ZNF860: variants seen among roughly 807,000 people sequenced by gnomAD.
ZNF860 encodes the protein zinc finger protein 860.
For synonymous variants in ZNF860, 206 were observed against 248.9 expected, an observed-to-expected ratio of 0.83 and a Z score of 1.62; for missense variants, 641 against 759.2, an observed-to-expected ratio of 0.84 and a Z score of 1.83.
At chr3:32,000,376 C>T in the ZNF860 span, among the ~76,000 whole-genome samples, 4 of 152,276 alleles carry the variant, frequency 2.6e-5, no homozygotes, top group South Asian at 4.1e-4. Context: ...CTGCCTCCAA[C>T]TGGTTTTGCT....
At chr3:31,999,718 A>T in the ZNF860 span, among the ~76,000 whole-genome samples, 1 of 152,128 alleles carries the variant, frequency 6.6e-6, no homozygotes, top group East Asian at 1.9e-4. Flanking sequence ...GGGTTCAGAA[A>T]ATATGGCTGC....
chr3:31,989,654 C>T lies in ZNF860; in HGVS notation c.575C>T (p.Ser192Phe), dbSNP rs1272714735. Residue 192 changes from serine (S) to phenylalanine (F), a missense_variant, in exon 2 of 2, where the codon TCC becomes TTC. Transcript: ENST00000360311. ...AACGATGCTTCCTCAGTTCTAACGTCCCAAAGAATTTCTTCTAGGCCCAAA... is the reference window on the plus strand; with the variant it reads ...AACGATGCTTCCTCAGTTCTAACGTTCCAAAGAATTTCTTCTAGGCCCAAA... The part of the protein sequence containing the change: ...SINDASSVLT[S>F]QRISSRPKIH... 2 of 1,614,108 alleles carry T rather than the reference C, an allele frequency of 1.2e-6. No individual in the cohort carries two copies. Among genetic ancestry groups the T allele is most frequent in the Non-Finnish European group, 1.7e-6 (2 of 1,180,016 alleles).
chr3:31,990,470 A>G lies in ZNF860; in HGVS notation c.1391A>G (p.His464Arg), dbSNP rs1808125. ...YKCNECGKTF[H>R]HNSALVIHKA... Reference sequence around the variant, plus strand: ...TGTAATGAGTGTGGCAAGACCTTCCATCACAATTCAGCCCTTGTAATTCAT... The same window carrying G: ...TGTAATGAGTGTGGCAAGACCTTCCGTCACAATTCAGCCCTTGTAATTCAT... Residue 464 changes from histidine to arginine, a missense_variant, in exon 2 of 2, where the codon CAT becomes CGT. By Grantham distance (29) the His-to-Arg change is conservative (BLOSUM62 0). Transcript: ENST00000360311. The G allele has an allele frequency of 0.084, 76,333 of 914,034 alleles. 21,273 individuals are homozygous for G. The highest frequency in any genetic ancestry group is 0.71 in the East Asian group (11,383 of 16,112). The allele number at this position is 914,034 out of a possible 1,614,324, so 56.6% of individuals were successfully genotyped here.
chr3:31,989,575 C>G lies in ZNF860; in HGVS notation c.496C>G (p.Leu166Val), dbSNP rs145325915. The change falls in exon 2 of 2, where the codon CTC becomes GTC. Residue 166 changes from leucine to valine, a missense_variant. Transcript: ENST00000360311. ...GLSFHSHLPE[L>V]HIFQTKGKVG... The stretch of plus-strand genomic sequence containing the variant: ...AAGCTTTCATTCGCATCTTCCTGAA[C>G]TCCACATATTTCAGACCAAAGGGAA... The G allele has an allele frequency of 9.0e-5, 146 of 1,614,102 alleles. 2 individuals are homozygous for G. In the Middle Eastern group the frequency reaches 4.6e-3, roughly 51 times the overall value.
downstream of ZNF860, among the ~76,000 whole-genome samples, chr3:31,995,733 A>T (rs1391645475): frequency 6.6e-6 from 1 of 152,196 alleles, no homozygotes; most frequent in African/African-American, 2.4e-5. Flanking sequence ...TGTCCATGAA[A>T]TCTTCACAAT....
the ZNF860 span, among the ~76,000 whole-genome samples, chr3:32,001,147 A>G: frequency 6.6e-6 from 1 of 152,150 alleles, no homozygotes; most frequent in Non-Finnish European, 1.5e-5. Flanking sequence ...CCTGTGCTTT[A>G]TGGCATAAGC....
At position 31,989,299 on chromosome 3, in the gene ZNF860, T is replaced by C. The variant is rs781193991; in HGVS notation, c.220T>C (p.Phe74Leu). The change falls in exon 2 of 2, where the codon TTC (phenylalanine) becomes CTC (leucine). Residue 74 changes from phenylalanine to leucine, a missense_variant. By Grantham distance (22) the Phe-to-Leu change is conservative (BLOSUM62 0). Transcript: ENST00000360311. ...CTCTTCCAAATGCATGATGAAGAAGTTCTCATCAACAGCGCAAGGCAATAC... is the reference window on the plus strand; with the variant it reads ...CTCTTCCAAATGCATGATGAAGAAGCTCTCATCAACAGCGCAAGGCAATAC... ...DISSKCMMKK[F>L]SSTAQGNTEV... 2.5e-6 allele frequency: 4 copies of C among 1,614,116 alleles called. No homozygotes were observed. The Admixed American group carries it at 6.7e-5, about 27-fold the overall frequency.
rs1306718153 is a variant in ZNF860, at chr3:31,990,487, G to T, written c.1408G>T (p.Val470Leu). ...GACCTTCCATCACAATTCAGCCCTT[G>T]TAATTCATAAGGCAATTCATACTGG... ...GKTFHHNSALVIHKAIHTGEK... is the reference protein window; with the variant it reads ...GKTFHHNSALLIHKAIHTGEK... The change falls in exon 2 of 2, where the codon GTA (valine) becomes TTA (leucine). Residue 470 changes from valine to leucine, a missense_variant. Transcript: ENST00000360311. The T allele has an allele frequency of 6.4e-7, 1 of 1,554,022 alleles. No homozygotes were observed. The highest frequency in any genetic ancestry group is 1.4e-5 in the African/African-American group (1 of 72,398).
chr3:31,999,951 C>T, the ZNF860 span, among the ~76,000 whole-genome samples: 3 of 152,168 alleles, frequency 2.0e-5, no homozygotes, highest in African/African-American at 7.2e-5. Context: ...AGAGCCTCTT[C>T]TAAAACTAAT....
chr3:31,989,541 G>A lies in ZNF860; in HGVS notation c.462G>A (p.Gln154=). ...RHPGNKPIKD[Q]LGLSFHSHLP... ...CTGGAAACAAGCCTATCAAAGATCA[G>A]CTTGGATTAAGCTTTCATTCGCATC... Residue 154 remains glutamine, a synonymous_variant, in exon 2 of 2, where the codon CAG becomes CAA. Coordinates refer to ENST00000360311, the MANE Select transcript of ZNF860 (RefSeq NM_001137674.3). 6.2e-7 allele frequency: 1 copy of A among 1,614,184 alleles called. No individual in the cohort carries two copies. Among genetic ancestry groups the A allele is most frequent in the Non-Finnish European group, 8.5e-7 (1 of 1,180,044 alleles).
chr3:31,999,359 CT>C, the ZNF860 span, among the ~76,000 whole-genome samples: 9,471 of 125,818 alleles, frequency 0.075, 536 homozygotes, highest in East Asian at 0.34. Flanking sequence ...ATATCAAAAT[CT>C]TTTTTTTTTT....
rs1699027589 is a variant in ZNF860 at position 31,991,395 on chromosome 3, C to T, written c.*417C>T. On this transcript the variant is annotated 3_prime_UTR_variant, in exon 2 of 2. Coordinates refer to ENST00000360311, the MANE Select transcript of ZNF860 (RefSeq NM_001137674.3). ...ATCTTTCCAATCCATCAATATGGGT[C>T]ATATCTCTATTTATATAAGTTTTTA... 5.8e-6 allele frequency: 1 copy of T among 171,192 alleles called. No individual in the cohort carries two copies. The highest frequency in any genetic ancestry group is 1.4e-5 in the Non-Finnish European group (1 of 71,232). The allele number at this position is 171,192 out of a possible 1,614,324, so 10.6% of individuals were successfully genotyped here.
chr3:31,999,363 T>C, the ZNF860 span, among the ~76,000 whole-genome samples: 32 of 135,684 alleles, frequency 2.4e-4, no homozygotes, highest in East Asian at 2.4e-3. Flanking sequence ...CAAAATCTTT[T>C]TTTTTTTTTT....
chr3:32,002,602 C>G, the ZNF860 span, among the ~76,000 whole-genome samples: 6 of 141,672 alleles, frequency 4.2e-5, no homozygotes, highest in African/African-American at 7.5e-5. Flanking sequence ...TGAATCAAGG[C>G]TTCTTCTCTC....
At position 31,990,468 on chromosome 3, in the gene ZNF860, C is replaced by A; in HGVS notation, c.1389C>A (p.Phe463Leu). ...AGTGTAATGAGTGTGGCAAGACCTTCCATCACAATTCAGCCCTTGTAATTC... is the reference window on the plus strand; with the variant it reads ...AGTGTAATGAGTGTGGCAAGACCTTACATCACAATTCAGCCCTTGTAATTC... ...PYKCNECGKT[F>L]HHNSALVIHK... Residue 463 changes from phenylalanine to leucine, a missense_variant, in exon 2 of 2, where the codon TTC becomes TTA. By Grantham distance (22) the Phe-to-Leu change is conservative. Coordinates refer to ENST00000360311, the MANE Select transcript of ZNF860 (RefSeq NM_001137674.3). 6.4e-7 allele frequency: 1 copy of A among 1,556,640 alleles called. No individual in the cohort carries two copies. The highest frequency in any genetic ancestry group is 1.2e-5 in the South Asian group (1 of 82,270).
downstream of ZNF860, among the ~76,000 whole-genome samples, chr3:31,994,071 A>T (rs560369819): frequency 2.6e-5 from 4 of 152,382 alleles, no homozygotes; most frequent in East Asian, 7.7e-4. Context: ...CTATTGTTAC[A>T]TGCAATATTG....
At chr3:31,998,208 G>A in the ZNF860 span, among the ~76,000 whole-genome samples, 3 of 152,194 alleles carry the variant, frequency 2.0e-5, no homozygotes, top group African/African-American at 7.2e-5. Flanking sequence ...ACTATGATGT[G>A]TGAGAGAGTA....
the ZNF860 span, among the ~76,000 whole-genome samples, chr3:32,005,515 A>G: frequency 1.3e-5 from 2 of 152,214 alleles, no homozygotes; most frequent in Non-Finnish European, 2.9e-5. Flanking sequence ...TGTGACGTCC[A>G]TAAGTATTGG....
At chr3:31,999,762 T>C in the ZNF860 span, among the ~76,000 whole-genome samples, 2 of 152,182 alleles carry the variant, frequency 1.3e-5, no homozygotes, top group African/African-American at 4.8e-5. Flanking sequence ...GATCACCTTT[T>C]CCAAGGCATG....
Sources: allele counts gnomAD v4.1 joint callset (sites outside exome capture counted in the v4.1 genomes callset), GRCh38; gene constraint gnomAD v4.1.1; transcripts MANE v1.5; gene names NCBI Gene and HGNC (gene_info 2026-07-23, HGNC 2026-07-21).